SLC6A11: variants seen among roughly 807,000 people sequenced by gnomAD.
SLC6A11 encodes sodium- and chloride-dependent GABA transporter 3.
SLC6A11 carries 25 observed loss-of-function variants against 74.8 expected under a neutral mutation model. That is an observed-to-expected ratio of 0.33 (90% CI 0.24 to 0.47). SLC6A11 has a LOEUF of 0.47. Ranked by LOEUF, SLC6A11 falls within the 20% of genes least tolerant of loss-of-function variation. SLC6A11 has a pLI of 1.00. For synonymous variants in SLC6A11, 330 were observed against 330.2 expected (o/e 1.00, Z 0.01); for missense variants, 574 against 837.0 (o/e 0.69, Z 3.88).
chr3:10,931,103 A>G (rs1181252832), intron 10 of SLC6A11, among the ~76,000 whole-genome samples: 1 of 152,178 alleles, frequency 6.6e-6, no homozygotes, highest in African/African-American at 2.4e-5. Context: ...AGGCAGTGTG[A>G]TGAGTGGTTG....
At chr3:10,938,088 A>G (rs1169431178) in intron 13 of SLC6A11, among the ~76,000 whole-genome samples, 162 bp from the exon 14 acceptor site, 1 of 152,140 alleles carries the variant, frequency 6.6e-6, no homozygotes, top group East Asian at 1.9e-4. Flanking sequence ...GAGGTTGTTC[A>G]TCATCCAGGA....
intron 13 of SLC6A11, chr3:10,935,442 AC>A: frequency 2.0e-6 from 1 of 498,082 alleles, no homozygotes; most frequent in Admixed American, 3.5e-5. Flanking sequence ...AAATGGGATA[AC>A]CACAGTACCT....
chr3:10,821,034 T>A (rs1694132192), intron 3 of SLC6A11, among the ~76,000 whole-genome samples: 1 of 152,158 alleles, frequency 6.6e-6, no homozygotes, highest in South Asian at 2.1e-4. Context: ...TCTGCCCTAC[T>A]CCCCTACTCT....
chr3:10,918,012 G>A lies in SLC6A11; in HGVS notation c.996-317G>A, dbSNP rs1461170124. ...TTTCTCTCCTACCAGGGACTTGGAG[G>A]AGCGTCGGTGTGTTTCAGAGTATTT... is the stretch of plus-strand genomic sequence containing the variant. On this transcript the variant is annotated intron_variant, in intron 7 of 13. Coordinates refer to ENST00000254488, the MANE Select transcript of SLC6A11 (RefSeq NM_014229.3). This position sits in a 1 kb window ranked among gnomAD's most constrained non-coding sequence, Gnocchi z 4.5. 2.0e-5 allele frequency among the ~76,000 whole-genome samples: 3 copies of A among 152,178 alleles called. No individual in the cohort carries two copies. Among genetic ancestry groups the A allele is most frequent in the Non-Finnish European group, 4.4e-5 (3 of 68,026 alleles).
intron 4 of SLC6A11, among the ~76,000 whole-genome samples, chr3:10,843,868 T>C (rs984370947): frequency 6.6e-6 from 1 of 152,200 alleles, no homozygotes; most frequent in African/African-American, 2.4e-5. Context: ...ATGTATGGGC[T>C]CCCTTCAGGG....
At chr3:10,931,708 G>A (rs1695690032) in intron 10 of SLC6A11, among the ~76,000 whole-genome samples, 1 of 152,250 alleles carries the variant, frequency 6.6e-6, no homozygotes, top group Non-Finnish European at 1.5e-5. Context: ...CCAGAGGTGT[G>A]TAGCTAGATG....
chr3:10,849,998 G>A (rs531661591), intron 5 of SLC6A11, among the ~76,000 whole-genome samples: 23 of 151,992 alleles, frequency 1.5e-4, no homozygotes, highest in African/African-American at 5.3e-4. Context: ...TATTATCCCT[G>A]GATGTTTTTG....
intron 6 of SLC6A11, among the ~76,000 whole-genome samples, chr3:10,893,281 G>C (rs2106616217): frequency 6.6e-6 from 1 of 152,270 alleles, no homozygotes; most frequent in East Asian, 1.9e-4. Context: ...GGTGAGGTTG[G>C]AGGAATGCAA....
chr3:10,819,455 A>G lies in SLC6A11; in HGVS notation c.257-10A>G, dbSNP rs1694107878. The G allele has an allele frequency of 6.2e-7, 1 of 1,602,472 alleles. No homozygotes were observed. The highest frequency in any genetic ancestry group is 8.5e-7 in the Non-Finnish European group (1 of 1,177,072). ...GACAGTTTTCATTTCATTCCTTTGCATCCTTACAGGGGCATTCCTGATTCC... is the reference window on the plus strand; with the variant it reads ...GACAGTTTTCATTTCATTCCTTTGCGTCCTTACAGGGGCATTCCTGATTCC... On this transcript the variant is annotated splice_polypyrimidine_tract_variant and intron_variant, in intron 1 of 13. Coordinates refer to ENST00000254488, the MANE Select transcript of SLC6A11 (RefSeq NM_014229.3).
intron 5 of SLC6A11, among the ~76,000 whole-genome samples, chr3:10,863,199 C>T (rs1398176012): frequency 6.6e-6 from 1 of 152,164 alleles, no homozygotes; most frequent in Non-Finnish European, 1.5e-5. Context: ...AAAGCCAGGT[C>T]TGTGAACAGC....
chr3:10,836,243 T>G (rs1440135091), intron 4 of SLC6A11, among the ~76,000 whole-genome samples: 2 of 152,256 alleles, frequency 1.3e-5, no homozygotes, highest in Non-Finnish European at 2.9e-5. Context: ...GGGTAGACCA[T>G]ATTTTGTGAA....
intron 13 of SLC6A11, among the ~76,000 whole-genome samples, chr3:10,937,807 C>G (rs964888811): frequency 7.9e-5 from 12 of 152,200 alleles, no homozygotes; most frequent in Non-Finnish European, 1.5e-4. Context: ...GGCACCCCTT[C>G]CAAGGGGAAT....
chr3:10,842,165 C>T (rs930488723), intron 4 of SLC6A11, among the ~76,000 whole-genome samples: 6 of 152,216 alleles, frequency 3.9e-5, no homozygotes, highest in Non-Finnish European at 7.3e-5. Context: ...TCCATCCCTT[C>T]GGTAACTTCT....
chr3:10,864,429 C>A (rs2106596748), intron 5 of SLC6A11, among the ~76,000 whole-genome samples: 1 of 151,892 alleles, frequency 6.6e-6, no homozygotes, highest in South Asian at 2.1e-4. Flanking sequence ...CAACCATGTA[C>A]CCCTCAATGG....
chr3:10,936,568 A>G (rs1007450914), intron 13 of SLC6A11, among the ~76,000 whole-genome samples: 1 of 152,150 alleles, frequency 6.6e-6, no homozygotes, highest in Admixed American at 6.5e-5. Context: ...ATAGTCATGC[A>G]TCCAGCCAGA....
intron 4 of SLC6A11, among the ~76,000 whole-genome samples, chr3:10,835,531 C>T (rs1694355889): frequency 6.6e-6 from 1 of 152,186 alleles, no homozygotes; most frequent in African/African-American, 2.4e-5. Flanking sequence ...AGTGCCTGCT[C>T]CTCTGGAAAG....
At chr3:10,920,276 C>T (rs1265107716) in intron 8 of SLC6A11, among the ~76,000 whole-genome samples, 1 of 152,112 alleles carries the variant, frequency 6.6e-6, no homozygotes, top group Non-Finnish European at 1.5e-5. Context: ...AAAGAATACT[C>T]ATTGTGGAAA....
At chr3:10,906,591 A>T in intron 6 of SLC6A11, among the ~76,000 whole-genome samples, 1 of 152,312 alleles carries the variant, frequency 6.6e-6, no homozygotes, top group Middle Eastern at 3.4e-3. Context: ...GAGGGGGTCT[A>T]TGCAGTCTCT....
chr3:10,934,437 C>T (rs1014151042), intron 12 of SLC6A11, among the ~76,000 whole-genome samples: 9 of 152,138 alleles, frequency 5.9e-5, no homozygotes, highest in Non-Finnish European at 2.9e-5. Flanking sequence ...GCAAATCGGG[C>T]GCTGGATCCG....
Sources: allele counts gnomAD v4.1 joint callset (sites outside exome capture counted in the v4.1 genomes callset), GRCh38; gene constraint gnomAD v4.1.1; non-coding constraint Gnocchi (gnomAD v3.1); transcripts MANE v1.5; gene names NCBI Gene and HGNC (gene_info 2026-07-23, HGNC 2026-07-21).